Variants in ZNF568 observed in about 807,000 individuals in gnomAD.
The protein encoded by ZNF568 is p53 inhibitor of SCO2 activation.
A neutral mutation model predicts 18.1 loss-of-function variants in ZNF568; 11 were observed. The ratio of observed to expected loss-of-function variants is 0.61; its 90% CI spans 0.38 to 1.00. The LOEUF is 1.00. Ranked by LOEUF, ZNF568 falls within the 50% of genes least tolerant of loss-of-function variation. The probability of loss-of-function intolerance (pLI) is 0.01; values close to 1 mark genes in which losing one functional copy is unlikely to be tolerated. For missense variants in ZNF568, 639 were observed against 768.2 expected (o/e 0.83, Z 1.99); for synonymous variants, 213 against 246.6 (o/e 0.86, Z 1.28).
At chr19:36,972,959 T>G (rs1477930312) in intron 6 of ZNF568, among the ~76,000 whole-genome samples, 1 of 152,228 alleles carries the variant, frequency 6.6e-6, no homozygotes, top group Non-Finnish European at 1.5e-5. Context: ...ACAGCCTTTT[T>G]CTAGCCGTCA....
intron 6 of ZNF568, among the ~76,000 whole-genome samples, chr19:36,966,201 G>A (rs1215353998): frequency 6.6e-6 from 1 of 152,064 alleles, no homozygotes; most frequent in African/African-American, 2.4e-5. Context: ...CACGAGAATC[G>A]CTTAAACTGG....
intron 2 of ZNF568, among the ~76,000 whole-genome samples, chr19:36,987,704 C>T (rs570500929): frequency 6.6e-6 from 1 of 152,124 alleles, no homozygotes; most frequent in Middle Eastern, 3.4e-3. Context: ...CAGCTCCTGA[C>T]AGTGGGGAAG....
intron 2 of ZNF568, among the ~76,000 whole-genome samples, chr19:36,920,283 T>G (rs1256268451): frequency 6.6e-6 from 1 of 152,180 alleles, no homozygotes; most frequent in Non-Finnish European, 1.5e-5. Flanking sequence ...AGCTGTACAA[T>G]GCATTTTAAG....
chr19:36,983,954 A>G (rs950757267), downstream of ZNF568, among the ~76,000 whole-genome samples: 4 of 132,420 alleles, frequency 3.0e-5, no homozygotes, highest in Non-Finnish European at 4.6e-5. Context: ...GCTGGAGTGC[A>G]GTGGTGCGAT....
rs1350996046 is a variant in ZNF568 at position 36,951,229 on chromosome 19, T to C, written c.*141T>C. The C allele has an allele frequency of 2.6e-5, 19 of 745,004 alleles. No individual in the cohort carries two copies. Among genetic ancestry groups the C allele is most frequent in the Admixed American group, 7.5e-5 (2 of 26,718 alleles). The allele number at this position is 745,004 out of a possible 1,614,324, so 46.1% of individuals were successfully genotyped here. A position where few individuals can be genotyped will look rare whatever the true frequency, so the allele number is the denominator to read the frequency against. Reference sequence around the variant, plus strand: ...CTGGAATAAATGGAAAGAAATACCATATACATAGATGGAAAAACCCAGTAT... The same window carrying C: ...CTGGAATAAATGGAAAGAAATACCACATACATAGATGGAAAAACCCAGTAT... On this transcript the variant is annotated 3_prime_UTR_variant, in exon 7 of 7. Transcript: ENST00000333987.
chr19:36,970,544 G>A (rs1280805140), intron 6 of ZNF568, among the ~76,000 whole-genome samples: 1 of 151,478 alleles, frequency 6.6e-6, no homozygotes, highest in African/African-American at 2.4e-5. Flanking sequence ...CCATGTTGCC[G>A]AGGCTGGTCT....
Position 36,925,258 on chromosome 19 carries a change from T to A in ZNF568, c.135T>A (p.Leu45=). ...AAGAAGAGGATACAACCAGGCCTCT[T>A]GTACGTCTTAAGCATTTATTTGTTT... The part of the protein sequence containing the change: ...SEEEEDTTRP[L]ETVTFKDVAV... Residue 45 remains leucine, a splice_region_variant and synonymous_variant, in exon 4 of 7, where the codon CTT becomes CTA. Coordinates refer to ENST00000333987, the MANE Select transcript of ZNF568 (RefSeq NM_198539.4). The A allele has an allele frequency of 6.2e-7, 1 of 1,613,884 alleles. No individual in the cohort carries two copies. Among genetic ancestry groups the A allele is most frequent in the Non-Finnish European group, 8.5e-7 (1 of 1,179,764 alleles).
At chr19:36,992,242 CAAAAAAAAA>C (rs66941480) in intron 4 of ZNF568, among the ~76,000 whole-genome samples, 5 of 118,158 alleles carry the variant, frequency 4.2e-5, no homozygotes, top group East Asian at 3.5e-4. Flanking sequence ...GACTCCGTCT[CAAAAAAAAA>C]AAAAAAAAAA....
At chr19:36,923,333 TCTC>T (rs1000407768) in intron 3 of ZNF568, among the ~76,000 whole-genome samples, 14 of 152,104 alleles carry the variant, frequency 9.2e-5, no homozygotes, top group African/African-American at 3.4e-4. Flanking sequence ...AACACACTCT[TCTC>T]CTTGCCCTTC....
At chr19:36,997,619 G>C (rs779424466), downstream of ZNF568, 8 of 1,524,230 alleles carry the variant, frequency 5.2e-6, no homozygotes, top group African/African-American at 1.1e-4. Flanking sequence ...ATTCATACTG[G>C]TGAGAAACCA....
In ZNF568 at chr19:36,950,241, C is replaced by T. The variant is rs868174636; in HGVS notation, c.1088C>T (p.Ala363Val). 1.9e-6 allele frequency: 3 copies of T among 1,613,524 alleles called. No homozygotes were observed. Among genetic ancestry groups the T allele is most frequent in the South Asian group, 1.1e-5 (1 of 91,056 alleles). Residue 363 changes from alanine (A) to valine (V), a missense_variant, in exon 7 of 7, where the codon GCA (alanine) becomes GTA (valine). By Grantham distance (64) the Ala-to-Val change is moderately conservative. Transcript: ENST00000333987. The stretch of plus-strand genomic sequence containing the variant: ...ATTCATACTGGGGAGAAACCTTATG[C>T]ATGTAATGAATGTGGTAGAGCTTTT... Reference protein sequence around the residue: ...EKIHTGEKPYACNECGRAFSR... With the variant: ...EKIHTGEKPYVCNECGRAFSR...
intron 4 of ZNF568, among the ~76,000 whole-genome samples, chr19:36,933,794 C>A (rs1255952947): frequency 6.6e-6 from 1 of 151,204 alleles, no homozygotes; most frequent in Non-Finnish European, 1.5e-5. Context: ...TTTATTCATC[C>A]TCTTTGTTTT....
chr19:36,925,909 G>A (rs914372303), intron 4 of ZNF568, among the ~76,000 whole-genome samples: 2 of 152,086 alleles, frequency 1.3e-5, no homozygotes, highest in African/African-American at 2.4e-5. Context: ...TGGTATCCGT[G>A]GGGGGTCCTG....
At position 36,949,540 on chromosome 19, in the gene ZNF568, G is replaced by A. The variant is rs2074021571; in HGVS notation, c.387G>A (p.Lys129=). 6.3e-7 allele frequency: 1 copy of A among 1,596,810 alleles called. No individual in the cohort carries two copies. Residue 129 remains lysine, a synonymous_variant, in exon 7 of 7, where the codon AAG becomes AAA. Coordinates refer to ENST00000333987, the MANE Select transcript of ZNF568 (RefSeq NM_198539.4). ...TTTGGGAAGTTGATGAACAGATCAA[G>A]AAGCAACAGGAAACACTTGTGAGGA... ...PEVWEVDEQI[K]KQQETLVRKV... is the part of the protein sequence containing the mutation.
chr19:36,924,935 G>A (rs190278639), intron 3 of ZNF568, among the ~76,000 whole-genome samples: 23 of 152,176 alleles, frequency 1.5e-4, no homozygotes, highest in Admixed American at 1.2e-3. Flanking sequence ...AAATAAAACA[G>A]CAAGATTCTA....
At chr19:36,986,469 C>A (rs890350288) in intron 2 of ZNF568, among the ~76,000 whole-genome samples, 1 of 152,150 alleles carries the variant, frequency 6.6e-6, no homozygotes, top group African/African-American at 2.4e-5. Context: ...CCCATTTTGA[C>A]ATAGTTTTAT....
intron 6 of ZNF568, among the ~76,000 whole-genome samples, chr19:36,962,940 A>G (rs1010540147): frequency 6.6e-6 from 1 of 152,112 alleles, no homozygotes; most frequent in Non-Finnish European, 1.5e-5. Context: ...AACAATGTGA[A>G]TATAATTGTG....
rs376831437 is a variant in ZNF568, at chr19:36,949,798, A to C, written c.645A>C (p.Ala215=). The C allele has an allele frequency of 4.3e-6, 7 of 1,613,888 alleles. No individual in the cohort carries two copies. Among genetic ancestry groups the C allele is most frequent in the African/African-American group, 1.3e-5 (1 of 74,940 alleles). Residue 215 remains alanine (A), a synonymous_variant, in exon 7 of 7, where the codon GCA becomes GCC. Coordinates refer to ENST00000333987, the MANE Select transcript of ZNF568 (RefSeq NM_198539.4). ...NEFGKPFYHC[A]SYVVTPFKCN... is the part of the protein sequence containing the mutation. The stretch of plus-strand genomic sequence containing the variant: ...TTGGGAAACCATTTTACCATTGTGC[A>C]TCCTATGTTGTAACCCCCTTTAAGT...
chr19:36,969,628 G>A (rs1045010070), intron 6 of ZNF568, among the ~76,000 whole-genome samples: 4 of 151,942 alleles, frequency 2.6e-5, no homozygotes, highest in African/African-American at 7.2e-5. Context: ...AGCTGCCTGC[G>A]TTCTTTTGCT....
Sources: gnomAD v4.1 joint callset for allele counts (sites outside exome capture counted in the v4.1 genomes callset) on GRCh38, gnomAD v4.1.1 for gene constraint, MANE v1.5 for transcripts, NCBI Gene and HGNC (gene_info 2026-07-23, HGNC 2026-07-21) for gene names.